PPP2R5E: variants seen among roughly 807,000 people sequenced by gnomAD.
PPP2R5E encodes serine/threonine-protein phosphatase 2A 56 kDa regulatory subunit epsilon isoform.
A neutral mutation model predicts 65.3 loss-of-function variants in PPP2R5E; 4 were observed. That is an observed-to-expected ratio of 0.06 (90% CI 0.03 to 0.14). The LOEUF is 0.14. Ranked by LOEUF, PPP2R5E falls within the 10% of genes least tolerant of loss-of-function variation. The pLI, the probability that PPP2R5E is intolerant of heterozygous loss-of-function variation, is 1.00. For synonymous variants in PPP2R5E, 183 were observed against 187.4 expected (o/e 0.98, Z 0.19); for missense variants, 274 against 556.1 (o/e 0.49, Z 5.10).
At chr14:63,494,932 G>A (rs1891470198) in intron 2 of PPP2R5E, among the ~76,000 whole-genome samples, 1 of 151,892 alleles carries the variant, frequency 6.6e-6, no homozygotes, top group Admixed American at 6.6e-5. Flanking sequence ...GGCCAGGCAT[G>A]GTGGCTCATG....
At position 63,449,034 on chromosome 14, in the gene PPP2R5E, G is replaced by A. The variant is rs575091513; in HGVS notation, c.354+4655C>T. 9.2e-5 allele frequency among the ~76,000 whole-genome samples: 14 copies of A among 152,212 alleles called. No individual in the cohort carries two copies. The South Asian group carries it at 2.9e-3, about 32-fold the overall frequency. On this transcript the variant is annotated intron_variant, in intron 3 of 13. Transcript: ENST00000337537. ...TCAAAGTACAAGTCCCATCAAGTTG[G>A]ATCAAAAGCTCTCGGTACTAATGCT...
At chr14:63,462,345 C>G (rs1423279043) in intron 2 of PPP2R5E, among the ~76,000 whole-genome samples, 1 of 152,134 alleles carries the variant, frequency 6.6e-6, no homozygotes, top group Non-Finnish European at 1.5e-5. Context: ...GCTAGGATTA[C>G]AGGTGTGAGC....
chr14:63,517,474 C>G (rs1471170441), intron 2 of PPP2R5E, among the ~76,000 whole-genome samples: 3 of 152,006 alleles, frequency 2.0e-5, no homozygotes, highest in African/African-American at 4.8e-5. Flanking sequence ...TCAAAAACCC[C>G]AAACTCCACA....
chr14:63,479,921 C>T (rs1460654035), intron 2 of PPP2R5E, among the ~76,000 whole-genome samples: 3 of 152,164 alleles, frequency 2.0e-5, no homozygotes, highest in African/African-American at 7.2e-5. Flanking sequence ...AGTGTTAAGG[C>T]ACCAAAGGTC....
intron 2 of PPP2R5E, among the ~76,000 whole-genome samples, chr14:63,476,814 T>C (rs1274942317): frequency 6.6e-6 from 1 of 152,166 alleles, no homozygotes; most frequent in East Asian, 1.9e-4. Flanking sequence ...CATTCACAGA[T>C]AGGATCACAT....
At chr14:63,494,567 C>CA (rs1017622806) in intron 2 of PPP2R5E, among the ~76,000 whole-genome samples, 16 of 149,238 alleles carry the variant, frequency 1.1e-4, no homozygotes, top group Non-Finnish European at 1.3e-4. Flanking sequence ...AAAAGACAAC[C>CA]AAAAAAAAAT....
chr14:63,445,356 TTA>T (rs1888424300), intron 3 of PPP2R5E, among the ~76,000 whole-genome samples: 1 of 152,222 alleles, frequency 6.6e-6, no homozygotes, highest in Admixed American at 6.5e-5. Flanking sequence ...CACAATAGCT[TTA>T]TGTCTAAAAA....
At chr14:63,511,293 T>TA (rs1451873088) in intron 2 of PPP2R5E, among the ~76,000 whole-genome samples, 2 of 152,158 alleles carry the variant, frequency 1.3e-5, no homozygotes, top group African/African-American at 4.8e-5. Context: ...CCCCAGGCTT[T>TA]AGAGAACCCC....
chr14:63,516,566 C>T (rs1892679564), intron 2 of PPP2R5E, among the ~76,000 whole-genome samples: 2 of 152,236 alleles, frequency 1.3e-5, no homozygotes, highest in Admixed American at 1.3e-4. Context: ...GATGCTCCCA[C>T]TGAATGAAAG....
At position 63,372,450 on chromosome 14, in the gene PPP2R5E, T is replaced by A. The variant is rs1883737373; in HGVS notation, c.*3559A>T. On this transcript the variant is annotated 3_prime_UTR_variant, in exon 14 of 14. Transcript: ENST00000337537. Reference sequence around the variant, plus strand: ...ATAAAACATCAGTGATCATGTCTGGTGCCACCTTTTTGTTACAGGTGACTG... The same window carrying A: ...ATAAAACATCAGTGATCATGTCTGGAGCCACCTTTTTGTTACAGGTGACTG... The A allele has an allele frequency of 6.6e-6, 1 of 152,176 alleles. No individual in the cohort carries two copies. Among genetic ancestry groups the A allele is most frequent in the South Asian group, 2.1e-4 (1 of 4,830 alleles). 9.4% of individuals were successfully genotyped at this position (152,176 alleles called of 1,614,324 possible).
intron 2 of PPP2R5E, among the ~76,000 whole-genome samples, chr14:63,466,500 C>T (rs1404534697): frequency 6.6e-6 from 1 of 152,120 alleles, no homozygotes; most frequent in Admixed American, 6.5e-5. Flanking sequence ...GCATGTAGTA[C>T]ACAGGCATGT....
Position 63,443,481 on chromosome 14 carries a change from G to A in PPP2R5E, c.354+10208C>T, listed in dbSNP as rs769617525. Among the ~76,000 whole-genome samples, 3 of 152,248 alleles carry A rather than the reference G, an allele frequency of 2.0e-5. No individual in the cohort carries two copies. In the South Asian group the frequency reaches 6.2e-4, roughly 32 times the overall value. The stretch of plus-strand genomic sequence containing the variant: ...TGAAGACAGTACACCCAAGGTGCGA[G>A]CAATTATCTACAGCCGTCATCTCAA... On this transcript the variant is annotated intron_variant, in intron 3 of 13. Coordinates refer to ENST00000337537, the MANE Select transcript of PPP2R5E (RefSeq NM_006246.5).
intron 2 of PPP2R5E, among the ~76,000 whole-genome samples, chr14:63,532,303 T>C (rs1336978247): frequency 6.6e-6 from 1 of 152,156 alleles, no homozygotes; most frequent in East Asian, 1.9e-4. Flanking sequence ...TTGAACCATA[T>C]GGCTGTATTA....
chr14:63,453,854 G>C lies in PPP2R5E; in HGVS notation c.189C>G (p.Phe63Leu). 1.3e-6 allele frequency: 2 copies of C among 1,569,758 alleles called. No individual in the cohort carries two copies. The highest frequency in any genetic ancestry group is 1.7e-6 in the Non-Finnish European group (2 of 1,160,262). The change falls in exon 3 of 14, where the codon TTC becomes TTG. Residue 63 changes from phenylalanine (F) to leucine (L), a missense_variant. Phe to Leu is a conservative substitution (Grantham distance 22). Around this residue, in one of 6 missense-constraint regions of PPP2R5E, gnomAD observed 51 missense variants for 101.1 expected, o/e 0.50. Coordinates refer to ENST00000337537, the MANE Select transcript of PPP2R5E (RefSeq NM_006246.5). ...CACAGCACTGCTGAAGTTTCTTTAG[G>C]AACAGTTCAGGCTGCTCTGAGGATG... ...DVPSSEQPEL[F>L]LKKLQQCCVI...
At chr14:63,385,393 T>G (rs1884602649) in intron 11 of PPP2R5E, among the ~76,000 whole-genome samples, 1 of 151,860 alleles carries the variant, frequency 6.6e-6, no homozygotes, top group Non-Finnish European at 1.5e-5. Flanking sequence ...GGAAAAGAAG[T>G]TTTCCTGTTA....
chr14:63,456,202 C>G (rs923363583), intron 2 of PPP2R5E, among the ~76,000 whole-genome samples: 2 of 152,186 alleles, frequency 1.3e-5, no homozygotes, highest in Non-Finnish European at 1.5e-5. Context: ...CTTAACATAG[C>G]ATATATAACT....
intron 2 of PPP2R5E, among the ~76,000 whole-genome samples, chr14:63,469,971 T>C (rs1890035211): frequency 6.6e-6 from 1 of 152,176 alleles, no homozygotes; most frequent in Admixed American, 6.5e-5. Context: ...TACACCAAAA[T>C]GAAATACTTC....
At chr14:63,536,631 C>T (rs1170363818) in intron 2 of PPP2R5E, among the ~76,000 whole-genome samples, 1 of 152,106 alleles carries the variant, frequency 6.6e-6, no homozygotes, top group Non-Finnish European at 1.5e-5. Context: ...AAGTGTCCAC[C>T]AATGAATTAA....
At chr14:63,539,443 CAT>C (rs1340952981) in intron 2 of PPP2R5E, 84 bp downstream of exon 2, 7 of 1,407,990 alleles carry the variant, frequency 5.0e-6, no homozygotes, top group Non-Finnish European at 6.7e-6. Context: ...ATTTGCAACA[CAT>C]ATAAAACTCT....
Sources: gnomAD v4.1 joint callset for allele counts (sites outside exome capture counted in the v4.1 genomes callset) on GRCh38, gnomAD v4.1.1 for gene constraint, gnomAD v4.1.1 regional missense constraint, MANE v1.5 for transcripts, NCBI Gene and HGNC (gene_info 2026-07-23, HGNC 2026-07-21) for gene names.